Variants in GEMIN5 observed in about 807,000 individuals in gnomAD.
GEMIN5 encodes gem nuclear organelle associated protein 5, also known as gem-associated protein 5.
In GEMIN5, 124 loss-of-function variants were observed where a neutral mutation model predicts 176.9. That is an observed-to-expected ratio of 0.70 (90% CI 0.61 to 0.81). GEMIN5 has a LOEUF of 0.81. Ranked by LOEUF, GEMIN5 falls within the 40% of genes least tolerant of loss-of-function variation. The pLI, the probability that GEMIN5 is intolerant of heterozygous loss-of-function variation, is 0.00. For synonymous variants in GEMIN5, 673 were observed against 665.2 expected, an observed-to-expected ratio of 1.01 and a Z score of -0.18; for missense variants, 1,843 against 1,814.6, an observed-to-expected ratio of 1.02 and a Z score of -0.28.
intron 3 of GEMIN5, 125 bp downstream of exon 3, chr5:154,935,716 A>AG (rs1245083337): frequency 3.1e-6 from 2 of 653,716 alleles, no homozygotes; most frequent in African/African-American, 3.7e-5. Context: ...CCAGGGGCTC[A>AG]GGGGGAGTGG....
At chr5:154,916,515 G>A (rs1025168898) in intron 13 of GEMIN5, among the ~76,000 whole-genome samples, 1 of 151,872 alleles carries the variant, frequency 6.6e-6, no homozygotes, top group African/African-American at 2.4e-5. Context: ...TTGAGATAGG[G>A]TGTGCTCTGT....
Position 154,899,231 on chromosome 5 carries a change from C to T in GEMIN5, c.3094G>A (p.Val1032Ile), listed in dbSNP as rs140322037. ...GCATAGTGGCCATCTCTTTCTAGGACGGTTCCCCAGCTGAGGTACAAGTCC... is the reference window on the plus strand; with the variant it reads ...GCATAGTGGCCATCTCTTTCTAGGATGGTTCCCCAGCTGAGGTACAAGTCC... ...LKDLYLSWGTVLERDGHYAVA... is the reference protein window; with the variant it reads ...LKDLYLSWGTILERDGHYAVA... Residue 1032 changes from valine (V) to isoleucine (I), a missense_variant, in exon 22 of 28, where the codon GTC (valine) becomes ATC (isoleucine). Val to Ile is a conservative substitution (Grantham distance 29). Coordinates refer to ENST00000285873, the MANE Select transcript of GEMIN5 (RefSeq NM_015465.5). 66 of 1,613,296 alleles carry T rather than the reference C, an allele frequency of 4.1e-5. No homozygotes were observed. The highest frequency in any genetic ancestry group is 1.8e-4 in the Admixed American group (11 of 59,944).
intron 17 of GEMIN5, 99 bp downstream of exon 17, chr5:154,905,264 A>T (rs913020111): frequency 5.4e-6 from 3 of 559,440 alleles, no homozygotes; most frequent in Non-Finnish European, 9.6e-6. Context: ...CTATAAAAAC[A>T]AACAAGAAAC....
In GEMIN5 at chr5:154,898,455, C is replaced by A; in HGVS notation, c.3330G>T (p.Leu1110=). Residue 1110 remains leucine (L), a synonymous_variant, in exon 23 of 28, where the codon CTG becomes CTT. Transcript: ENST00000285873. Reference sequence around the variant, plus strand: ...ACAGACTGACCTGTAGACTTTCATGCAGCTGCAGGGCTTCCTGGGCTCCCA... The same window carrying A: ...ACAGACTGACCTGTAGACTTTCATGAAGCTGCAGGGCTTCCTGGGCTCCCA... ...NWVGAQEALQ[L]HESLQGQRLV... 1.2e-6 allele frequency: 2 copies of A among 1,613,484 alleles called. No individual in the cohort carries two copies. Among genetic ancestry groups the A allele is most frequent in the Non-Finnish European group, 1.7e-6 (2 of 1,179,370 alleles).
chr5:154,935,538 A>G (rs1764248987), intron 3 of GEMIN5, among the ~76,000 whole-genome samples: 1 of 152,224 alleles, frequency 6.6e-6, no homozygotes, highest in Admixed American at 6.5e-5. Flanking sequence ...TTCATGTTGT[A>G]TCAACGGGCA....
chr5:154,934,861 C>T (rs930054186), intron 3 of GEMIN5, among the ~76,000 whole-genome samples: 3 of 152,210 alleles, frequency 2.0e-5, no homozygotes, highest in African/African-American at 7.2e-5. Context: ...CTTTGCATAT[C>T]CAGTTTCAAC....
intron 18 of GEMIN5, 80 bp downstream of exon 18, chr5:154,904,427 T>G: frequency 8.3e-7 from 1 of 1,200,464 alleles, no homozygotes; most frequent in Non-Finnish European, 1.2e-6. Context: ...CTTTGGGCAT[T>G]CATTTAATAA....
rs754893408 is a variant in GEMIN5 at position 154,907,783 on chromosome 5, A to G, written c.2203T>C (p.Ser735Pro). The change falls in exon 16 of 28, where the codon TCT (serine) becomes CCT (proline). Residue 735 changes from serine (S) to proline (P), a missense_variant. Coordinates refer to ENST00000285873, the MANE Select transcript of GEMIN5 (RefSeq NM_015465.5). ...TTTTTGGGCTTTGCCTTAGGTTGAG[A>G]GAGCCGTTTTTTCTCCAATTCAATA... is the stretch of plus-strand genomic sequence containing the variant. ...KSIELEKKRL[S>P]QPKAKPKKKK... 6.2e-7 allele frequency: 1 copy of G among 1,613,834 alleles called. No homozygotes were observed. The highest frequency in any genetic ancestry group is 8.5e-7 in the Non-Finnish European group (1 of 1,179,962).
At chr5:154,910,077 T>C (rs1205174097) in intron 15 of GEMIN5, among the ~76,000 whole-genome samples, 1 of 151,980 alleles carries the variant, frequency 6.6e-6, no homozygotes, top group Non-Finnish European at 1.5e-5. Context: ...TCTAGATTCA[T>C]CCATTTTGTT....
At chr5:154,918,512 G>A (rs561802552) in intron 11 of GEMIN5, among the ~76,000 whole-genome samples, 21 of 152,214 alleles carry the variant, frequency 1.4e-4, no homozygotes, top group African/African-American at 4.8e-4. Context: ...TTATTGTGAA[G>A]GGATTCAAAA....
At chr5:154,932,966 C>A (rs531288843) in intron 3 of GEMIN5, among the ~76,000 whole-genome samples, 2 of 152,300 alleles carry the variant, frequency 1.3e-5, no homozygotes, top group African/African-American at 4.8e-5. Flanking sequence ...ACAAAAGTTG[C>A]AGAATTCTAC....
rs143582582 is a variant in GEMIN5, at chr5:154,888,257, C to T, written c.4480G>A (p.Gly1494Ser). Residue 1494 changes from glycine (G) to serine (S), a missense_variant, in exon 28 of 28, where the codon GGC becomes AGC. Physicochemically the swap from Gly to Ser is moderately conservative, Grantham distance 56. Transcript: ENST00000285873. ...QQAQELLQKY[G>S]NTKTYRRHCQ... ...TGTCTTCTGTAAGTTTTCGTGTTGC[C>T]GTATTTCTGAAGGAGCTCTTGGGCC... 8.4e-5 allele frequency: 135 copies of T among 1,613,942 alleles called. No individual in the cohort carries two copies. The Middle Eastern group carries it at 1.2e-3, about 14-fold the overall frequency.
Position 154,907,765 on chromosome 5 carries a change from G to T in GEMIN5, c.2221C>A (p.Pro741Thr). 6.2e-7 allele frequency: 1 copy of T among 1,613,980 alleles called. No homozygotes were observed. Among genetic ancestry groups the T allele is most frequent in the Non-Finnish European group, 8.5e-7 (1 of 1,179,982 alleles). The change falls in exon 16 of 28, where the codon CCC (proline) becomes ACC (threonine). Residue 741 changes from proline (P) to threonine (T), a missense_variant. Transcript: ENST00000285873. ...KKRLSQPKAK[P>T]KKKKKPTLRT... ...AAGGTGGGCTTTTTCTTCTTTTTGGGCTTTGCCTTAGGTTGAGAGAGCCGT... is the reference window on the plus strand; with the variant it reads ...AAGGTGGGCTTTTTCTTCTTTTTGGTCTTTGCCTTAGGTTGAGAGAGCCGT...
chr5:154,908,226 G>A (rs1763615078), intron 15 of GEMIN5, among the ~76,000 whole-genome samples: 1 of 130,582 alleles, frequency 7.7e-6, no homozygotes, highest in Non-Finnish European at 1.5e-5. Flanking sequence ...TCTTGCCCCG[G>A]CGGGAGTGCA....
chr5:154,921,427 T>C lies in GEMIN5; in HGVS notation c.1380-2A>G, dbSNP rs754017920. Reference sequence around the variant, plus strand: ...TATGTGCTAGAAATCTGTGGAGGCCTTTAGAAGAGCAGGGAGAGAGAACAA... The same window carrying C: ...TATGTGCTAGAAATCTGTGGAGGCCCTTAGAAGAGCAGGGAGAGAGAACAA... On this transcript the variant is annotated splice_acceptor_variant, in intron 9 of 27. Coordinates refer to ENST00000285873, the MANE Select transcript of GEMIN5 (RefSeq NM_015465.5). LOFTEE classifies it high-confidence loss of function. 1 of 1,346,098 alleles carries C rather than the reference T, an allele frequency of 7.4e-7. No individual in the cohort carries two copies. The highest frequency in any genetic ancestry group is 1.0e-6 in the Non-Finnish European group (1 of 961,272). The allele number at this position is 1,346,098 out of a possible 1,614,324, so 83.4% of individuals were successfully genotyped here.
At chr5:154,927,137 A>T (rs1028213049) in intron 7 of GEMIN5, among the ~76,000 whole-genome samples, 1 of 152,038 alleles carries the variant, frequency 6.6e-6, no homozygotes, top group African/African-American at 2.4e-5. Flanking sequence ...GACCTAATAC[A>T]TCCTTCCCTG....
At chr5:154,922,522 G>GGCAGTGGT (rs1763945391) in intron 9 of GEMIN5, among the ~76,000 whole-genome samples, 3 of 152,106 alleles carry the variant, frequency 2.0e-5, no homozygotes, top group Admixed American at 2.0e-4. Flanking sequence ...ATAGCTCTAG[G>GGCAGTGGT]GCAATACCCA....
Position 154,905,367 on chromosome 5 carries a change from C to T in GEMIN5, c.2505G>A (p.Lys835=). ...TTTTAATTACTAGATACCAACCTGG[C>T]TTCTCTTTTGGTGGCTCCTTTTTCA... ...ILLKKEPPKE[K]PETLIKKRKA... The change falls in exon 17 of 28, where the codon AAG becomes AAA. Residue 835 remains lysine, a synonymous_variant. Transcript: ENST00000285873. 2.6e-6 allele frequency: 4 copies of T among 1,536,444 alleles called. No individual in the cohort carries two copies. The East Asian group carries it at 6.8e-5, about 26-fold the overall frequency.
chr5:154,893,519 T>C (rs949863679), intron 24 of GEMIN5, among the ~76,000 whole-genome samples: 4 of 149,850 alleles, frequency 2.7e-5, no homozygotes, highest in African/African-American at 9.7e-5. Context: ...TTGAGAAACA[T>C]ATATAGTTAC....
Sources: gnomAD v4.1 joint callset for allele counts (sites outside exome capture counted in the v4.1 genomes callset) on GRCh38, gnomAD v4.1.1 for gene constraint, MANE v1.5 for transcripts, NCBI Gene and HGNC (gene_info 2026-07-23, HGNC 2026-07-21) for gene names.